The following BAZ2B variants were observed in gnomAD, a reference collection of about 807,000 sequenced individuals.
BAZ2B encodes the protein bromodomain adjacent to zinc finger domain protein 2B.
Under a neutral mutation model 246.0 loss-of-function variants are expected in BAZ2B, and 91 were observed. The observed-to-expected ratio is 0.37, with a 90% CI of 0.31 to 0.44. BAZ2B has a LOEUF of 0.44. BAZ2B is among the 20% of genes least tolerant of loss of function. BAZ2B has a pLI of 1.00. For missense variants in BAZ2B, 2,332 were observed against 2,533.7 expected (o/e 0.92, Z 1.71); for synonymous variants, 855 against 860.0 (o/e 0.99, Z 0.10).
chr2:159,324,668 ACACACACACACACACACACACCT>A (rs2148780878), intron 36 of BAZ2B, 120 bp downstream of exon 36: 37 of 191,464 alleles, frequency 1.9e-4, no homozygotes, highest in East Asian at 1.1e-3. Flanking sequence ...ACACACACAC[ACACACACACACACACACACACCT>A]GCCTCAAAGG....
chr2:159,655,707 G>C, the BAZ2B span, among the ~76,000 whole-genome samples: 12 of 152,056 alleles, frequency 7.9e-5, 1 homozygote, highest in Admixed American at 7.2e-4. Flanking sequence ...TGATCTTCAA[G>C]TTTACTGAGT....
At chr2:159,666,933 T>TG in the BAZ2B span, among the ~76,000 whole-genome samples, 3 of 148,930 alleles carry the variant, frequency 2.0e-5, no homozygotes, top group Non-Finnish European at 3.0e-5. Context: ...CTGTTGGGGG[T>TG]GGGGGGCAAG....
intron 21 of BAZ2B, among the ~76,000 whole-genome samples, chr2:159,389,093 A>ACAACCAACCAACCAAC (rs113993624): frequency 3.4e-5 from 5 of 148,884 alleles, no homozygotes; most frequent in African/African-American, 5.0e-5. Context: ...CTGTCTGAAA[A>ACAACCAACCAACCAAC]CAACCAACCA....
intron 31 of BAZ2B, among the ~76,000 whole-genome samples, chr2:159,345,403 T>C (rs1205402192): frequency 1.3e-5 from 2 of 152,186 alleles, no homozygotes; most frequent in African/African-American, 4.8e-5. Flanking sequence ...ATCTGATCAC[T>C]ATACATTAAA....
At chr2:159,535,283 A>G (rs2085835695) in intron 2 of BAZ2B, among the ~76,000 whole-genome samples, 1 of 152,192 alleles carries the variant, frequency 6.6e-6, no homozygotes, top group South Asian at 2.1e-4. Context: ...GCACTGTGGG[A>G]GACTGAGGTG....
rs2149713519 is a variant in BAZ2B, at chr2:159,398,872, T to A, written c.2921A>T (p.Glu974Val). ...CTCCAATAATTTGGCATTTGCCGCT[T>A]CTTCCTTCTTTTTCTTTTTAGCCTG... is the stretch of plus-strand genomic sequence containing the variant. ...ILEAKKKKKE[E>V]AANAKLLEAE... The change falls in exon 18 of 37, where the codon GAA (glutamate) becomes GTA (valine). Residue 974 changes from glutamate to valine, a missense_variant. Transcript: ENST00000392783. 1 of 1,611,342 alleles carries A rather than the reference T, an allele frequency of 6.2e-7. No homozygotes were observed. The highest frequency in any genetic ancestry group is 1.1e-5 in the South Asian group (1 of 91,052).
intron 27 of BAZ2B, among the ~76,000 whole-genome samples, chr2:159,360,149 A>G (rs1671420471): frequency 6.6e-6 from 1 of 152,246 alleles, no homozygotes; most frequent in Non-Finnish European, 1.5e-5. Flanking sequence ...TCAAATAGGA[A>G]GAGAGGAAGT....
At chr2:159,452,203 C>G (rs2075187690) in intron 4 of BAZ2B, among the ~76,000 whole-genome samples, 1 of 152,196 alleles carries the variant, frequency 6.6e-6, no homozygotes, top group African/African-American at 2.4e-5. Flanking sequence ...GTACTTGAAA[C>G]ACACATTTAA....
At chr2:159,622,552 A>C in the BAZ2B span, among the ~76,000 whole-genome samples, 1 of 152,304 alleles carries the variant, frequency 6.6e-6, no homozygotes, top group Non-Finnish European at 1.5e-5. Flanking sequence ...CAAAACAAAA[A>C]CACCACAAGC....
chr2:159,622,004 G>C, the BAZ2B span, among the ~76,000 whole-genome samples: 2 of 152,078 alleles, frequency 1.3e-5, no homozygotes, highest in Admixed American at 6.6e-5. Context: ...TACATGGGAG[G>C]CTGAGGCAGG....
intron 16 of BAZ2B, 122 bp downstream of exon 16, chr2:159,404,727 A>C (rs969054714): frequency 1.1e-6 from 1 of 870,082 alleles, no homozygotes; most frequent in Non-Finnish European, 1.7e-6. Flanking sequence ...CAACTTTCTA[A>C]ATAAGACACA....
Position 159,602,816 on chromosome 2 carries a change from T to G in BAZ2B, c.-46+13426A>C, listed in dbSNP as rs1692472272. ...AGAATAAAAAAAGCTGAGGGATGTTTGATGATATTTCATCCCATCATATAA... is the reference window on the plus strand; with the variant it reads ...AGAATAAAAAAAGCTGAGGGATGTTGGATGATATTTCATCCCATCATATAA... On this transcript the variant is annotated intron_variant, in intron 1 of 36. Coordinates refer to ENST00000392783, the MANE Select transcript of BAZ2B (RefSeq NM_013450.4). Among the ~76,000 whole-genome samples the G allele has an allele frequency of 2.6e-5, 4 of 152,366 alleles. No homozygotes were observed. The Middle Eastern group carries it at 0.01, about 389-fold the overall frequency.
chr2:159,576,840 G>T (rs1685432872), intron 1 of BAZ2B, among the ~76,000 whole-genome samples: 1 of 149,030 alleles, frequency 6.7e-6, no homozygotes, highest in South Asian at 2.1e-4. Flanking sequence ...TTGAACCCAG[G>T]AGGCAGAGGT....
intron 27 of BAZ2B, among the ~76,000 whole-genome samples, chr2:159,364,828 G>A (rs1450396812): frequency 2.6e-5 from 4 of 152,204 alleles, no homozygotes; most frequent in African/African-American, 4.8e-5. Context: ...CACACCTAGA[G>A]GTGAAACAGG....
chr2:159,512,527 G>T (rs946752856), intron 2 of BAZ2B, among the ~76,000 whole-genome samples: 18 of 152,116 alleles, frequency 1.2e-4, no homozygotes, highest in Admixed American at 1.1e-3. Context: ...AAAAGGAAAA[G>T]AAATAAAGAC....
chr2:159,704,421 G>GA, the BAZ2B span, among the ~76,000 whole-genome samples: 1 of 151,974 alleles, frequency 6.6e-6, no homozygotes, highest in Non-Finnish European at 1.5e-5. Context: ...GATTCTGGAG[G>GA]ACACAGAGTT....
At chr2:159,564,968 T>G (rs968053110) in intron 1 of BAZ2B, among the ~76,000 whole-genome samples, 5 of 152,188 alleles carry the variant, frequency 3.3e-5, no homozygotes, top group African/African-American at 1.2e-4. Context: ...CCTCATGGGT[T>G]CAAGTGATTC....
At chr2:159,377,812 C>CAAAAAAAAAAAAAAAAAAAAAAAAA (rs35570732) in intron 25 of BAZ2B, among the ~76,000 whole-genome samples, 8 of 94,160 alleles carry the variant, frequency 8.5e-5, no homozygotes, top group African/African-American at 2.8e-4. Context: ...ACTCTGTCTC[C>CAAAAAAAAAAAAAAAAAAAAAAAAA]AAAAAAAAAA....
At chr2:159,495,380 G>A (rs1271599082) in intron 2 of BAZ2B, among the ~76,000 whole-genome samples, 3 of 148,836 alleles carry the variant, frequency 2.0e-5, no homozygotes, top group East Asian at 2.0e-4. Context: ...AGCTACTTGG[G>A]AGGCTGAGGC....
Sources: allele counts gnomAD v4.1 joint callset (sites outside exome capture counted in the v4.1 genomes callset), GRCh38; gene constraint gnomAD v4.1.1; transcripts MANE v1.5; gene names NCBI Gene and HGNC (gene_info 2026-07-23, HGNC 2026-07-21).